SDF2: variants seen among roughly 807,000 people sequenced by gnomAD.
The protein encoded by SDF2 is stromal cell derived factor 2, also known as stromal cell-derived factor 2.
A neutral mutation model predicts 20.5 loss-of-function variants in SDF2; 12 were observed. The ratio of observed to expected loss-of-function variants is 0.58; its 90% CI spans 0.37 to 0.95. SDF2 has a LOEUF of 0.95. Among genes scored for constraint, SDF2 ranks in the 40% least tolerant of loss-of-function variants. SDF2 has a pLI of 0.01. For missense variants in SDF2, 238 were observed against 263.1 expected (o/e 0.90, Z 0.66); for synonymous variants, 100 against 101.0 (o/e 0.99, Z 0.06).
intron 1 of SDF2, chr17:28,656,132 C>G (rs2071960475): frequency 6.6e-6 from 1 of 151,926 alleles, no homozygotes; most frequent in African/African-American, 2.4e-5. Flanking sequence ...AATATTTTTT[C>G]TTCTACAACA....
At chr17:28,652,600 G>A (rs1279488253) in intron 2 of SDF2, among the ~76,000 whole-genome samples, 2 of 152,154 alleles carry the variant, frequency 1.3e-5, no homozygotes, top group South Asian at 2.1e-4. Context: ...GAGCCACTGC[G>A]CCTGGCTTAC....
At chr17:28,661,962 A>C (rs958232292), upstream of SDF2, 10 of 1,474,474 alleles carry the variant, frequency 6.8e-6, no homozygotes, top group African/African-American at 1.4e-4. Context: ...CCACGGAGAG[A>C]AGGAAGTGAA....
chr17:28,650,225 T>G (rs1181091548), intron 2 of SDF2, among the ~76,000 whole-genome samples: 2 of 152,070 alleles, frequency 1.3e-5, no homozygotes, highest in Admixed American at 1.3e-4. Flanking sequence ...GTGCTGGGAT[T>G]ACAGGCATGA....
At position 28,652,774 on chromosome 17, in the gene SDF2, T is replaced by C. The variant is rs536474849; in HGVS notation, c.348+2513A>G. 2.6e-5 allele frequency among the ~76,000 whole-genome samples: 4 copies of C among 152,188 alleles called. No homozygotes were observed. In the East Asian group the frequency reaches 7.7e-4, roughly 29 times the overall value. ...GTACTGGAGCAAGAAATAAACAAGA[T>C]GAGCCTGGAGCATCTTTTGGTGCCA... is the stretch of plus-strand genomic sequence containing the variant. On this transcript the variant is annotated intron_variant, in intron 2 of 2. Coordinates refer to ENST00000247020, the MANE Select transcript of SDF2 (RefSeq NM_006923.4).
At chr17:28,660,699 A>G (rs746302633) in intron 1 of SDF2, 1 of 153,308 alleles carries the variant, frequency 6.5e-6, no homozygotes, top group Non-Finnish European at 1.5e-5. Context: ...CGCAGTGATG[A>G]TAACTCATGT....
At chr17:28,661,388 A>T (rs1052481458) in intron 1 of SDF2, among the ~76,000 whole-genome samples, 10 of 152,206 alleles carry the variant, frequency 6.6e-5, no homozygotes, top group Non-Finnish European at 1.3e-4. Context: ...CGACTTTGTC[A>T]TTTGCTAACT....
At chr17:28,662,034 C>T (rs1485307286), upstream of SDF2, 3 of 791,802 alleles carry the variant, frequency 3.8e-6, no homozygotes, top group Non-Finnish European at 3.9e-6. Flanking sequence ...CCGGCTGAGC[C>T]TGGTTACTTA....
intron 1 of SDF2, among the ~76,000 whole-genome samples, chr17:28,657,177 A>C (rs1391488996): frequency 6.6e-6 from 1 of 151,928 alleles, no homozygotes; most frequent in African/African-American, 2.4e-5. Flanking sequence ...CAGTGAGCCG[A>C]GATCACACCA....
intron 1 of SDF2, among the ~76,000 whole-genome samples, chr17:28,658,484 A>G (rs1164481296): frequency 6.6e-6 from 1 of 152,176 alleles, no homozygotes; most frequent in Non-Finnish European, 1.5e-5. Context: ...GCCTTCAAGT[A>G]TCTGTTTAAC....
At chr17:28,659,830 A>T (rs1284340854) in intron 1 of SDF2, among the ~76,000 whole-genome samples, 3 of 151,514 alleles carry the variant, frequency 2.0e-5, no homozygotes, top group Non-Finnish European at 4.4e-5. Flanking sequence ...CTCACTTCCT[A>T]GACGGGGTGG....
At chr17:28,661,513 G>A (rs2072042508) in intron 1 of SDF2, among the ~76,000 whole-genome samples, 1 of 152,184 alleles carries the variant, frequency 6.6e-6, no homozygotes, top group Non-Finnish European at 1.5e-5. Context: ...AAGGACATAG[G>A]TAACGTGCCT....
intron 2 of SDF2, among the ~76,000 whole-genome samples, chr17:28,652,517 C>A (rs1198937223): frequency 6.6e-6 from 1 of 152,190 alleles, no homozygotes; most frequent in East Asian, 1.9e-4. Context: ...ACCATGTTAG[C>A]CAGGCTGGTC....
Position 28,648,856 on chromosome 17 carries a change from T to C in SDF2, c.*133A>G. On this transcript the variant is annotated 3_prime_UTR_variant, in exon 3 of 3. Coordinates refer to ENST00000247020, the MANE Select transcript of SDF2 (RefSeq NM_006923.4). The stretch of plus-strand genomic sequence containing the variant: ...CTGAAGCTTCCAAACACAGCCACTA[T>C]TTTCTGTTGTATATCTTCATCTCAA... 1 of 893,140 alleles carries C rather than the reference T, an allele frequency of 1.1e-6. No individual in the cohort carries two copies. The highest frequency in any genetic ancestry group is 1.7e-5 in the African/African-American group (1 of 60,224). 55.3% of individuals were successfully genotyped at this position (893,140 alleles called of 1,614,324 possible). A position where few individuals can be genotyped will look rare whatever the true frequency, so the allele number is the denominator to read the frequency against.
chr17:28,659,118 A>C (rs1267484960), intron 1 of SDF2, among the ~76,000 whole-genome samples: 1 of 129,496 alleles, frequency 7.7e-6, no homozygotes, highest in Non-Finnish European at 1.6e-5. Context: ...GGCGCTCCTC[A>C]CATCCCAGAC....
At chr17:28,650,802 T>TC (rs1847196630) in intron 2 of SDF2, among the ~76,000 whole-genome samples, 1 of 36,894 alleles carries the variant, frequency 2.7e-5, no homozygotes, top group African/African-American at 1.1e-4. Flanking sequence ...AGACTTTGTC[T>TC]CAAAAAAAAA....
At chr17:28,662,139 G>A (rs1010205170), upstream of SDF2, 2 of 387,900 alleles carry the variant, frequency 5.2e-6, no homozygotes, top group East Asian at 8.4e-5. Flanking sequence ...GCTTCCGAGA[G>A]CGGGAGAGAG....
At chr17:28,658,034 T>G (rs1368830172) in intron 1 of SDF2, among the ~76,000 whole-genome samples, 2 of 152,154 alleles carry the variant, frequency 1.3e-5, no homozygotes, top group Admixed American at 1.3e-4. Flanking sequence ...CTTTATTATA[T>G]CTTTTTTCAG....
intron 1 of SDF2, among the ~76,000 whole-genome samples, chr17:28,661,456 G>T (rs1001352942): frequency 2.6e-5 from 4 of 152,244 alleles, no homozygotes; most frequent in African/African-American, 2.4e-5. Context: ...TCTGTGAAAT[G>T]AGGATAACAA....
rs901525740 is a variant in SDF2, at chr17:28,648,519, A to G, written c.*470T>C. ...ACATTGGAGCTTCATAGCGTCTCCA[A>G]AGAGTCTTAGGACTCAAAGGATTAA... On this transcript the variant is annotated 3_prime_UTR_variant, in exon 3 of 3. Coordinates refer to ENST00000247020, the MANE Select transcript of SDF2 (RefSeq NM_006923.4). The G allele has an allele frequency of 1.2e-5, 2 of 161,438 alleles. No individual in the cohort carries two copies. Among genetic ancestry groups the G allele is most frequent in the Non-Finnish European group, 2.7e-5 (2 of 73,222 alleles). 10.0% of individuals were successfully genotyped at this position (161,438 alleles called of 1,614,324 possible).
Sources: gnomAD v4.1 joint callset for allele counts (sites outside exome capture counted in the v4.1 genomes callset) on GRCh38, gnomAD v4.1.1 for gene constraint, MANE v1.5 for transcripts, NCBI Gene and HGNC (gene_info 2026-07-23, HGNC 2026-07-21) for gene names.